The following CDH13 variants were observed in gnomAD, a reference collection of about 807,000 sequenced individuals.
The protein encoded by CDH13 is cadherin-13.
CDH13 carries 24 observed loss-of-function variants against 63.8 expected under a neutral mutation model. That is an observed-to-expected ratio of 0.38 (90% CI 0.27 to 0.53). The LOEUF is 0.53. Ranked by LOEUF, CDH13 falls within the 20% of genes least tolerant of loss-of-function variation. CDH13 has a pLI of 0.85. For synonymous variants in CDH13, 503 were observed against 355.3 expected, an observed-to-expected ratio of 1.42 and a Z score of -4.67; for missense variants, 1,049 against 903.1, an observed-to-expected ratio of 1.16 and a Z score of -2.07.
At chr16:83,259,470 A>G (rs62040391) in intron 5 of CDH13, among the ~76,000 whole-genome samples, 11,025 of 152,134 alleles carry the variant, frequency 0.072, 547 homozygotes, top group East Asian at 0.24. Context: ...TTGGGTGGCC[A>G]GTGGAGTTCT....
intron 1 of CDH13, among the ~76,000 whole-genome samples, chr16:82,671,643 T>C (rs55932287): frequency 6.6e-6 from 1 of 152,078 alleles, no homozygotes; most frequent in Non-Finnish European, 1.5e-5. Flanking sequence ...CCCAGTCTTT[T>C]GCCCAGATAG....
chr16:83,575,311 A>T (rs905538985), intron 7 of CDH13, among the ~76,000 whole-genome samples: 1 of 152,238 alleles, frequency 6.6e-6, no homozygotes, highest in Non-Finnish European at 1.5e-5. Context: ...GCACTATGTG[A>T]ATTATATCTC....
At chr16:83,010,834 C>T (rs771880744) in intron 2 of CDH13, among the ~76,000 whole-genome samples, 9 of 152,180 alleles carry the variant, frequency 5.9e-5, no homozygotes, top group Non-Finnish European at 1.0e-4. Flanking sequence ...GTGGAGCTTA[C>T]GTGCAGTTGG....
chr16:83,081,689 G>A (rs145976188), intron 3 of CDH13, among the ~76,000 whole-genome samples: 35 of 148,286 alleles, frequency 2.4e-4, no homozygotes, highest in African/African-American at 8.1e-4. Context: ...ACACAGTAAA[G>A]AGAGAGAGAG....
chr16:82,729,117 T>G (rs764600783), intron 1 of CDH13, among the ~76,000 whole-genome samples: 2 of 152,134 alleles, frequency 1.3e-5, no homozygotes, highest in Non-Finnish European at 2.9e-5. Flanking sequence ...TCTACTGAAG[T>G]CATAAAGCCC....
rs1332278467 is a variant in CDH13 at position 82,887,096 on chromosome 16, T to A, written c.157+28623T>A. Among the ~76,000 whole-genome samples the A allele has an allele frequency of 5.9e-5, 9 of 152,188 alleles. No homozygotes were observed. The East Asian group carries it at 1.7e-3, about 29-fold the overall frequency. ...TTTTAAATAGGGCAAAGAAGCTACC[T>A]AAAGATTTCTCTTTAATATAGGGAG... On this transcript the variant is annotated intron_variant, in intron 2 of 13. Transcript: ENST00000567109.
chr16:83,591,078 T>C lies in CDH13; in HGVS notation c.961-11376T>C, dbSNP rs371883483. Among the ~76,000 whole-genome samples the C allele has an allele frequency of 3.7e-3, 566 of 151,950 alleles. 2 individuals are homozygous for C. The highest frequency in any genetic ancestry group is 0.013 in the African/African-American group (544 of 41,462). On this transcript the variant is annotated intron_variant, in intron 7 of 13. Coordinates refer to ENST00000567109, the MANE Select transcript of CDH13 (RefSeq NM_001257.5). Reference sequence around the variant, plus strand: ...GGCACCTGCCACCACACCCAGCTAATTTTTGTATGTTTAGTAGAGATGGGG... The same window carrying C: ...GGCACCTGCCACCACACCCAGCTAACTTTTGTATGTTTAGTAGAGATGGGG...
At chr16:83,516,025 C>G (rs1187004121) in intron 7 of CDH13, among the ~76,000 whole-genome samples, 1 of 152,164 alleles carries the variant, frequency 6.6e-6, no homozygotes, top group Admixed American at 6.5e-5. Flanking sequence ...AAAATCAATT[C>G]AAACATTGTT....
intron 7 of CDH13, among the ~76,000 whole-genome samples, chr16:83,506,029 A>C (rs1005329260): frequency 2.0e-5 from 3 of 152,208 alleles, no homozygotes; most frequent in African/African-American, 7.2e-5. Flanking sequence ...AATGGGTAGA[A>C]GTGGAATTCA....
chr16:82,712,684 C>T (rs112588697), intron 1 of CDH13, among the ~76,000 whole-genome samples: 46 of 152,284 alleles, frequency 3.0e-4, no homozygotes, highest in African/African-American at 1.0e-3. Context: ...TTTCGTCAGG[C>T]CCCCTGAAGC....
intron 2 of CDH13, among the ~76,000 whole-genome samples, chr16:82,872,286 G>T (rs1441144809): frequency 4.6e-5 from 7 of 152,216 alleles, no homozygotes; most frequent in Admixed American, 4.6e-4. Flanking sequence ...TGAGCAGATT[G>T]CTTAATTAAG....
chr16:83,517,459 A>G (rs1006541478), intron 7 of CDH13, among the ~76,000 whole-genome samples: 1 of 152,216 alleles, frequency 6.6e-6, no homozygotes, highest in Non-Finnish European at 1.5e-5. Flanking sequence ...AGGCTCTGCC[A>G]GCTTGCAGCA....
At chr16:83,404,553 A>G (rs184920938) in intron 6 of CDH13, among the ~76,000 whole-genome samples, 3 of 152,340 alleles carry the variant, frequency 2.0e-5, no homozygotes, top group African/African-American at 7.2e-5. Context: ...TATTGAATGT[A>G]TCCTTTAGTA....
intron 5 of CDH13, among the ~76,000 whole-genome samples, chr16:83,270,489 A>T (rs1324276340): frequency 2.6e-5 from 4 of 152,216 alleles, no homozygotes; most frequent in African/African-American, 9.7e-5. Flanking sequence ...TAAAATATTT[A>T]AATGATGAAG....
At chr16:82,772,308 A>G (rs900478518) in intron 1 of CDH13, among the ~76,000 whole-genome samples, 2 of 152,164 alleles carry the variant, frequency 1.3e-5, no homozygotes, top group African/African-American at 4.8e-5. Context: ...GAATGGAAGC[A>G]TACTGGGGGT....
At chr16:82,688,989 TG>T (rs2150972505) in intron 1 of CDH13, 1 of 152,304 alleles carries the variant, frequency 6.6e-6, no homozygotes, top group East Asian at 1.9e-4. Context: ...CCAGGGCACC[TG>T]GACTTTGATC....
chr16:83,363,640 A>C (rs536916731), intron 6 of CDH13, among the ~76,000 whole-genome samples: 1 of 152,348 alleles, frequency 6.6e-6, no homozygotes, highest in African/African-American at 2.4e-5. Flanking sequence ...AGAGACTTCA[A>C]GATGTGAATA....
intron 13 of CDH13, among the ~76,000 whole-genome samples, chr16:83,794,599 C>G (rs1284342223): frequency 6.6e-6 from 1 of 151,516 alleles, no homozygotes; most frequent in East Asian, 1.9e-4. Flanking sequence ...AGGTATCTTG[C>G]TCTGTGACTT....
At chr16:82,888,614 A>C (rs2040973552) in intron 2 of CDH13, among the ~76,000 whole-genome samples, 1 of 152,182 alleles carries the variant, frequency 6.6e-6, no homozygotes, top group African/African-American at 2.4e-5. Context: ...AGCTTGGAGG[A>C]AGATGGCCTT....
Sources: allele counts gnomAD v4.1 joint callset (sites outside exome capture counted in the v4.1 genomes callset), GRCh38; gene constraint gnomAD v4.1.1; transcripts MANE v1.5; gene names NCBI Gene and HGNC (gene_info 2026-07-23, HGNC 2026-07-21).